SLC24A2: variants seen among roughly 807,000 people sequenced by gnomAD.
SLC24A2 encodes solute carrier family 24 member 2, also known as sodium/potassium/calcium exchanger 2.
A neutral mutation model predicts 62.0 loss-of-function variants in SLC24A2; 36 were observed. The observed-to-expected ratio is 0.58, with a 90% CI of 0.44 to 0.77. The LOEUF (loss-of-function observed/expected upper bound fraction) is 0.77. Among genes scored for constraint, SLC24A2 ranks in the 30% least tolerant of loss-of-function variants. The pLI, the probability that SLC24A2 is intolerant of heterozygous loss-of-function variation, is 0.00. For missense variants in SLC24A2, 846 were observed against 817.9 expected (o/e 1.03, Z -0.42); for synonymous variants, 358 against 294.0 (o/e 1.22, Z -2.23).
At chr9:19,519,285 T>C (rs1375809493) in intron 10 of SLC24A2, among the ~76,000 whole-genome samples, 1 of 151,952 alleles carries the variant, frequency 6.6e-6, no homozygotes, top group Non-Finnish European at 1.5e-5. Flanking sequence ...GAAGAGAACA[T>C]ACAACAAAGA....
the SLC24A2 span, among the ~76,000 whole-genome samples, chr9:19,830,662 C>G: frequency 3.3e-5 from 5 of 152,276 alleles, no homozygotes; most frequent in Admixed American, 3.3e-4. Context: ...CTGAGCAGCT[C>G]TGCAGTGTGG....
the SLC24A2 span, among the ~76,000 whole-genome samples, chr9:19,930,701 T>C: frequency 1.3e-5 from 2 of 152,166 alleles, no homozygotes; most frequent in African/African-American, 4.8e-5. Context: ...TCAGGAAGGT[T>C]CACAGATCCC....
At chr9:19,858,000 T>A in the SLC24A2 span, among the ~76,000 whole-genome samples, 2 of 152,026 alleles carry the variant, frequency 1.3e-5, no homozygotes, top group African/African-American at 4.8e-5. Flanking sequence ...TAGAAAAAAA[T>A]CTGTTTTAAA....
the SLC24A2 span, among the ~76,000 whole-genome samples, chr9:20,209,579 C>G: frequency 2.8e-3 from 432 of 152,296 alleles, 4 homozygotes; most frequent in Non-Finnish European, 2.8e-3. Flanking sequence ...CACCCCCAGA[C>G]TGGGGGCTCT....
At chr9:19,735,156 A>G (rs1340906803) in intron 2 of SLC24A2, among the ~76,000 whole-genome samples, 2 of 151,708 alleles carry the variant, frequency 1.3e-5, no homozygotes, top group African/African-American at 4.9e-5. Flanking sequence ...ACTCAAACAA[A>G]TTTACAGGAA....
chr9:19,859,307 G>C, the SLC24A2 span, among the ~76,000 whole-genome samples: 1 of 152,078 alleles, frequency 6.6e-6, no homozygotes, highest in Non-Finnish European at 1.5e-5. Flanking sequence ...AGGACACATG[G>C]ACACAAAGAG....
Position 19,788,923 on chromosome 9 carries a change from C to G in SLC24A2, c.-192G>C, listed in dbSNP as rs1028908549. ...GAGGACGCGCACACGGCGGGGCCCC[C>G]GAGCGCGGCCCGCCGCTCCAGTCCG... On this transcript the variant is annotated 5_prime_UTR_variant, in exon 1 of 11. Transcript: ENST00000341998. 5.9e-5 allele frequency: 58 copies of G among 985,114 alleles called. No homozygotes were observed. In the East Asian group the frequency reaches 4.6e-3, roughly 77 times the overall value. The allele number at this position is 985,114 out of a possible 1,614,324, so 61.0% of individuals were successfully genotyped here.
the SLC24A2 span, among the ~76,000 whole-genome samples, chr9:20,054,391 C>A: frequency 5.3e-5 from 8 of 152,052 alleles, no homozygotes; most frequent in African/African-American, 1.2e-4. Context: ...AGGGTTTCAC[C>A]ATGTTGGCCA....
chr9:20,128,702 A>G, the SLC24A2 span, among the ~76,000 whole-genome samples: 1 of 152,128 alleles, frequency 6.6e-6, no homozygotes, highest in Non-Finnish European at 1.5e-5. Context: ...AAGACCGCTC[A>G]ATGGGGAAAG....
At chr9:19,848,364 T>G in the SLC24A2 span, among the ~76,000 whole-genome samples, 1 of 152,348 alleles carries the variant, frequency 6.6e-6, no homozygotes, top group African/African-American at 2.4e-5. Flanking sequence ...CTGTTATCTC[T>G]TAGCTGTGTT....
At chr9:20,177,784 A>C in the SLC24A2 span, among the ~76,000 whole-genome samples, 2 of 152,164 alleles carry the variant, frequency 1.3e-5, no homozygotes, top group Non-Finnish European at 2.9e-5. Context: ...CACATACAGT[A>C]TACTATTATA....
intron 8 of SLC24A2, among the ~76,000 whole-genome samples, chr9:19,548,673 C>A (rs959728045): frequency 6.6e-6 from 1 of 152,156 alleles, no homozygotes; most frequent in East Asian, 1.9e-4. Flanking sequence ...TTGGTTATGA[C>A]GACTGCCCTG....
the SLC24A2 span, among the ~76,000 whole-genome samples, chr9:20,040,894 T>C: frequency 6.6e-6 from 1 of 152,178 alleles, no homozygotes; most frequent in African/African-American, 2.4e-5. Flanking sequence ...CAGACAAGGG[T>C]TAGAAGCTTA....
intron 7 of SLC24A2, among the ~76,000 whole-genome samples, chr9:19,561,438 T>G (rs906420512): frequency 6.8e-6 from 1 of 147,992 alleles, no homozygotes; most frequent in Non-Finnish European, 1.5e-5. Context: ...AAAACAGACT[T>G]TTTTTTTTTT....
the SLC24A2 span, among the ~76,000 whole-genome samples, chr9:19,997,736 CT>C: frequency 6.6e-6 from 1 of 152,330 alleles, no homozygotes. Context: ...ACAGATTCAG[CT>C]CTGTTGAGAT....
At chr9:20,253,605 T>G in the SLC24A2 span, among the ~76,000 whole-genome samples, 1 of 152,194 alleles carries the variant, frequency 6.6e-6, no homozygotes, top group Non-Finnish European at 1.5e-5. Flanking sequence ...TCTGAACCAG[T>G]TAATTCAGAA....
chr9:19,538,385 C>A (rs1472962847), intron 8 of SLC24A2, among the ~76,000 whole-genome samples: 1 of 127,376 alleles, frequency 7.9e-6, no homozygotes, highest in Non-Finnish European at 1.6e-5. Flanking sequence ...CCCATCAATA[C>A]CTAATTTATT....
intron 2 of SLC24A2, among the ~76,000 whole-genome samples, chr9:19,699,910 G>A (rs957596218): frequency 1.3e-5 from 2 of 152,078 alleles, no homozygotes; most frequent in Non-Finnish European, 2.9e-5. Context: ...CTTCTGGTTA[G>A]GACACACGGG....
the SLC24A2 span, among the ~76,000 whole-genome samples, chr9:20,128,629 C>G: frequency 1.3e-5 from 2 of 151,958 alleles, no homozygotes; most frequent in Non-Finnish European, 2.9e-5. Context: ...AGATTTTTTG[C>G]AGAATTAAGA....
Sources: gnomAD v4.1 joint callset for allele counts (sites outside exome capture counted in the v4.1 genomes callset) on GRCh38, gnomAD v4.1.1 for gene constraint, MANE v1.5 for transcripts, NCBI Gene and HGNC (gene_info 2026-07-23, HGNC 2026-07-21) for gene names.